Variants in EYS observed in about 807,000 individuals in gnomAD.
EYS encodes the protein EGF-like photoreceptor maintenance factor.
In EYS, 250 loss-of-function variants were observed where a neutral mutation model predicts 282.1. The ratio of observed to expected loss-of-function variants is 0.89; its 90% CI spans 0.80 to 0.98. The LOEUF (loss-of-function observed/expected upper bound fraction) is 0.98, where lower values mean the gene tolerates loss of function less well. Ranked by LOEUF, EYS falls within the 50% of genes least tolerant of loss-of-function variation. EYS has a pLI of 0.00. For synonymous variants in EYS, 1,355 were observed against 1,282.9 expected, an observed-to-expected ratio of 1.06 and a Z score of -1.20; for missense variants, 4,016 against 3,709.0, an observed-to-expected ratio of 1.08 and a Z score of -2.15.
intron 26 of EYS, among the ~76,000 whole-genome samples, chr6:64,580,173 T>C (rs1766014115): frequency 6.6e-6 from 1 of 152,138 alleles, no homozygotes; most frequent in South Asian, 2.1e-4. Flanking sequence ...ATAGATGACA[T>C]ACAGCCTTTC....
At chr6:65,639,710 A>G (rs1299748660) in intron 2 of EYS, 68 bp downstream of exon 2, 2 of 152,166 alleles carry the variant, frequency 1.3e-5, no homozygotes, top group African/African-American at 4.8e-5. Flanking sequence ...ATTGCCATGG[A>G]AAGCAGGGAA....
chr6:65,366,430 G>A (rs1764916168), intron 8 of EYS, among the ~76,000 whole-genome samples: 1 of 151,696 alleles, frequency 6.6e-6, no homozygotes, highest in Non-Finnish European at 1.5e-5. Flanking sequence ...TGGTTCAGAT[G>A]GATCTAAAAG....
intron 5 of EYS, among the ~76,000 whole-genome samples, chr6:65,488,145 T>C (rs542896473): frequency 6.6e-6 from 1 of 152,292 alleles, no homozygotes; most frequent in East Asian, 1.9e-4. Context: ...TCATTGATTT[T>C]TTCAAAGTTT....
chr6:64,876,680 T>A (rs1766760470), intron 19 of EYS, among the ~76,000 whole-genome samples: 1 of 152,136 alleles, frequency 6.6e-6, no homozygotes. Flanking sequence ...GACATAGTGT[T>A]ATTTTTATAT....
intron 12 of EYS, among the ~76,000 whole-genome samples, chr6:65,136,783 T>C (rs1174630588): frequency 6.6e-6 from 1 of 152,054 alleles, no homozygotes; most frequent in Non-Finnish European, 1.5e-5. Context: ...CCTCTGGTGC[T>C]CAGGAGATCC....
chr6:64,821,162 G>T (rs185128665), intron 21 of EYS, among the ~76,000 whole-genome samples: 5 of 151,876 alleles, frequency 3.3e-5, no homozygotes, highest in Non-Finnish European at 4.4e-5. Context: ...GACTCCTGAA[G>T]ATTGAAAGAC....
intron 33 of EYS, among the ~76,000 whole-genome samples, chr6:64,020,089 T>C (rs1040566242): frequency 7.2e-5 from 11 of 152,014 alleles, no homozygotes; most frequent in Non-Finnish European, 1.0e-4. Context: ...AGTATCTACA[T>C]TTATTGCTAT....
intron 12 of EYS, among the ~76,000 whole-genome samples, chr6:65,235,431 AG>A (rs1395175412): frequency 2.0e-5 from 3 of 152,190 alleles, no homozygotes; most frequent in African/African-American, 7.2e-5. Context: ...TAAGGAAAAA[AG>A]CTATAACAAA....
chr6:64,810,031 TAAG>T (rs1764546414), intron 22 of EYS, among the ~76,000 whole-genome samples: 2 of 152,064 alleles, frequency 1.3e-5, no homozygotes, highest in Admixed American at 6.6e-5. Context: ...GAAAATTTTT[TAAG>T]AAGTGTGATA....
At chr6:63,997,271 C>T (rs1350033511) in intron 34 of EYS, among the ~76,000 whole-genome samples, 1 of 152,160 alleles carries the variant, frequency 6.6e-6, no homozygotes, top group Non-Finnish European at 1.5e-5. Context: ...CAAGATCCTG[C>T]CAGAACTTGG....
chr6:64,384,980 CTT>C (rs1257204992), intron 29 of EYS, among the ~76,000 whole-genome samples: 5 of 152,180 alleles, frequency 3.3e-5, no homozygotes, highest in Admixed American at 2.0e-4. Context: ...ATAAATGTAA[CTT>C]AACACTTTTT....
chr6:65,179,985 G>C (rs566448179), intron 12 of EYS, among the ~76,000 whole-genome samples: 1 of 152,054 alleles, frequency 6.6e-6, no homozygotes, highest in Non-Finnish European at 1.5e-5. Context: ...ATGCATAAAA[G>C]GCCTTTGACA....
At chr6:64,973,944 C>G (rs1056673853) in intron 14 of EYS, among the ~76,000 whole-genome samples, 3 of 151,744 alleles carry the variant, frequency 2.0e-5, no homozygotes, top group African/African-American at 4.8e-5. Context: ...TTCATTTTTT[C>G]CCTCAAAAGC....
At chr6:63,831,115 C>T (rs1199388563) in intron 36 of EYS, among the ~76,000 whole-genome samples, 1 of 152,140 alleles carries the variant, frequency 6.6e-6, no homozygotes, top group East Asian at 1.9e-4. Flanking sequence ...CAAAAACATG[C>T]CAAATTGTAA....
At chr6:63,916,006 T>C (rs1764414098) in intron 35 of EYS, among the ~76,000 whole-genome samples, 1 of 152,148 alleles carries the variant, frequency 6.6e-6, no homozygotes, top group Admixed American at 6.5e-5. Context: ...GATAAAGCAG[T>C]GGTAGGATTT....
At chr6:64,092,165 G>T (rs1191893318) in intron 31 of EYS, among the ~76,000 whole-genome samples, 2 of 152,122 alleles carry the variant, frequency 1.3e-5, no homozygotes, top group Non-Finnish European at 2.9e-5. Flanking sequence ...TGGACATTTG[G>T]GTTGGTTCCA....
chr6:63,829,168 A>C (rs1641361236), intron 36 of EYS, among the ~76,000 whole-genome samples: 1 of 152,218 alleles, frequency 6.6e-6, no homozygotes, highest in South Asian at 2.1e-4. Flanking sequence ...TGAGCAATAC[A>C]GAAGATGGGT....
intron 35 of EYS, among the ~76,000 whole-genome samples, chr6:63,881,312 T>C (rs1055475508): frequency 6.6e-6 from 1 of 152,192 alleles, no homozygotes; most frequent in African/African-American, 2.4e-5. Flanking sequence ...AGGCTCACTA[T>C]AGCACAGAAA....
intron 31 of EYS, among the ~76,000 whole-genome samples, chr6:64,154,849 A>G (rs1774864623): frequency 6.6e-6 from 1 of 152,090 alleles, no homozygotes; most frequent in Non-Finnish European, 1.5e-5. Flanking sequence ...TCCAGTCTCT[A>G]TTAAAATAAT....
Sources: gnomAD v4.1 joint callset for allele counts (sites outside exome capture counted in the v4.1 genomes callset) on GRCh38, gnomAD v4.1.1 for gene constraint, MANE v1.5 for transcripts, NCBI Gene and HGNC (gene_info 2026-07-23, HGNC 2026-07-21) for gene names.